Variants in KIAA1217 observed in about 807,000 individuals in gnomAD.
KIAA1217 encodes sickle tail protein homolog.
Under a neutral mutation model 163.9 loss-of-function variants are expected in KIAA1217, and 88 were observed. The observed-to-expected ratio is 0.54, with a 90% CI of 0.45 to 0.64. The LOEUF is 0.64. KIAA1217 is among the 30% of genes least tolerant of loss of function. The pLI is 0.00. For synonymous variants in KIAA1217, 903 were observed against 923.1 expected (o/e 0.98, Z 0.39); for missense variants, 2,372 against 2,475.0 (o/e 0.96, Z 0.88).
intron 11 of KIAA1217, among the ~76,000 whole-genome samples, chr10:24,521,301 G>A (rs1448271190): frequency 6.6e-6 from 1 of 151,678 alleles, no homozygotes; most frequent in Non-Finnish European, 1.5e-5. Context: ...CTGCACTCCA[G>A]CCTGGGTGAC....
At chr10:24,134,888 T>A (rs748279426) in intron 2 of KIAA1217, among the ~76,000 whole-genome samples, 1 of 152,076 alleles carries the variant, frequency 6.6e-6, no homozygotes, top group Non-Finnish European at 1.5e-5. Context: ...AGGCATTAAT[T>A]TTTATCTAAT....
At chr10:24,297,479 A>T (rs1422573325) in intron 2 of KIAA1217, among the ~76,000 whole-genome samples, 3 of 152,180 alleles carry the variant, frequency 2.0e-5, no homozygotes, top group African/African-American at 7.2e-5. Flanking sequence ...GACTGGGTGC[A>T]GTGTCTCATG....
chr10:24,515,961 C>T (rs772150888), intron 10 of KIAA1217, among the ~76,000 whole-genome samples: 5 of 152,210 alleles, frequency 3.3e-5, no homozygotes, highest in African/African-American at 4.8e-5. Flanking sequence ...GTCTCAGCTA[C>T]TCAGGAGGCT....
intron 2 of KIAA1217, among the ~76,000 whole-genome samples, chr10:24,315,928 A>AGG (rs1463082408): frequency 2.4e-5 from 2 of 84,698 alleles, no homozygotes; most frequent in African/African-American, 5.4e-5. Flanking sequence ...ATTTTATCTA[A>AGG]TGGGGGGGGG....
At chr10:23,736,547 G>A (rs530561350) in intron 1 of KIAA1217, among the ~76,000 whole-genome samples, 1 of 152,088 alleles carries the variant, frequency 6.6e-6, no homozygotes, top group African/African-American at 2.4e-5. Context: ...TTTAGAGATG[G>A]GGTCTCGCTT....
At chr10:23,926,908 T>C (rs962708456) in intron 1 of KIAA1217, among the ~76,000 whole-genome samples, 1 of 152,010 alleles carries the variant, frequency 6.6e-6, no homozygotes, top group Non-Finnish European at 1.5e-5. Flanking sequence ...TATCTGTTTA[T>C]TTATTTATTC....
intron 8 of KIAA1217, among the ~76,000 whole-genome samples, chr10:24,496,963 C>G (rs1171571791): frequency 6.6e-6 from 1 of 152,230 alleles, no homozygotes; most frequent in Non-Finnish European, 1.5e-5. Flanking sequence ...AATGGCTGAG[C>G]TGATTTGCAA....
chr10:23,824,071 A>C (rs1235856945), intron 1 of KIAA1217, among the ~76,000 whole-genome samples: 1 of 152,038 alleles, frequency 6.6e-6, no homozygotes, highest in Non-Finnish European at 1.5e-5. Context: ...CAGGAGTTCA[A>C]CACCAGCCTG....
intron 2 of KIAA1217, among the ~76,000 whole-genome samples, chr10:24,191,085 TAGG>T: frequency 6.6e-6 from 1 of 152,092 alleles, no homozygotes; most frequent in South Asian, 2.1e-4. Context: ...GAAGCTAAGG[TAGG>T]AGGATGACTT....
At chr10:24,098,899 G>A (rs937738387) in intron 2 of KIAA1217, among the ~76,000 whole-genome samples, 9 of 152,078 alleles carry the variant, frequency 5.9e-5, no homozygotes, top group South Asian at 2.1e-4. Context: ...CAGAAAGATC[G>A]CTTGAGACCA....
chr10:24,421,389 A>G (rs2058722299), intron 3 of KIAA1217, among the ~76,000 whole-genome samples: 1 of 152,248 alleles, frequency 6.6e-6, no homozygotes, highest in Admixed American at 6.5e-5. Flanking sequence ...TTGATCCTGT[A>G]TCATTCAGTT....
intron 9 of KIAA1217, among the ~76,000 whole-genome samples, chr10:24,508,877 G>T (rs900060177): frequency 5.9e-5 from 9 of 152,184 alleles, no homozygotes; most frequent in African/African-American, 2.2e-4. Context: ...AAGCAGAGTG[G>T]TGGTTTCTTT....
chr10:23,849,675 A>G (rs1207636612), intron 1 of KIAA1217, among the ~76,000 whole-genome samples: 2 of 152,174 alleles, frequency 1.3e-5, no homozygotes, highest in African/African-American at 4.8e-5. Context: ...AAGTATAATA[A>G]TAAAAGAAAA....
intron 1 of KIAA1217, among the ~76,000 whole-genome samples, chr10:23,907,559 G>A (rs1377759666): frequency 6.6e-6 from 1 of 152,028 alleles, no homozygotes; most frequent in Non-Finnish European, 1.5e-5. Flanking sequence ...CAAGTTCCTG[G>A]AGTGCTGATG....
intron 2 of KIAA1217, among the ~76,000 whole-genome samples, chr10:24,291,606 G>A (rs1050742919): frequency 3.9e-5 from 6 of 152,158 alleles, no homozygotes; most frequent in African/African-American, 1.4e-4. Flanking sequence ...ACACTTGTAA[G>A]GCAGTCTGTG....
intron 1 of KIAA1217, among the ~76,000 whole-genome samples, chr10:23,760,993 G>C (rs1433411933): frequency 1.3e-5 from 2 of 152,154 alleles, no homozygotes; most frequent in African/African-American, 4.8e-5. Flanking sequence ...GTGCAGGCCT[G>C]TAGTTCCAGC....
At chr10:23,778,031 C>T (rs1302892744) in intron 1 of KIAA1217, among the ~76,000 whole-genome samples, 1 of 151,298 alleles carries the variant, frequency 6.6e-6, no homozygotes, top group African/African-American at 2.4e-5. Flanking sequence ...TAACCACCGC[C>T]TCCGGGTTCA....
chr10:23,818,062 T>C (rs1478547850), intron 1 of KIAA1217, among the ~76,000 whole-genome samples: 1 of 113,560 alleles, frequency 8.8e-6, no homozygotes, highest in Non-Finnish European at 1.7e-5. Flanking sequence ...TATATATACA[T>C]ATATATATAC....
At chr10:24,489,342 C>T (rs757189434) in intron 6 of KIAA1217, among the ~76,000 whole-genome samples, 2 of 152,082 alleles carry the variant, frequency 1.3e-5, no homozygotes, top group African/African-American at 4.8e-5. Flanking sequence ...CACATCAGCT[C>T]GGCTAGCTGG....
Sources: gnomAD v4.1 joint callset for allele counts (sites outside exome capture counted in the v4.1 genomes callset) on GRCh38, gnomAD v4.1.1 for gene constraint, MANE v1.5 for transcripts, NCBI Gene and HGNC (gene_info 2026-07-23, HGNC 2026-07-21) for gene names.